ADAMTSL3: variants seen among roughly 807,000 people sequenced by gnomAD.
The protein encoded by ADAMTSL3 is ADAMTS like 3, also known as ADAMTS-like protein 3.
Under a neutral mutation model 201.7 loss-of-function variants are expected in ADAMTSL3, and 128 were observed. The ratio of observed to expected loss-of-function variants is 0.63; its 90% CI spans 0.55 to 0.73. The LOEUF is 0.73. Among genes scored for constraint, ADAMTSL3 ranks in the 30% least tolerant of loss-of-function variants. The probability of loss-of-function intolerance (pLI) is 0.00; values close to 1 mark genes in which losing one functional copy is unlikely to be tolerated. For synonymous variants in ADAMTSL3, 738 were observed against 748.4 expected (o/e 0.99, Z 0.23); for missense variants, 1,990 against 2,119.6 (o/e 0.94, Z 1.20).
At chr15:83,710,087 G>A (rs1224929668) in intron 3 of ADAMTSL3, among the ~76,000 whole-genome samples, 2 of 152,224 alleles carry the variant, frequency 1.3e-5, no homozygotes, top group African/African-American at 4.8e-5. Flanking sequence ...TGTAGGACAA[G>A]TAGTGGGTTT....
chr15:83,953,398 AAC>A (rs60146088), intron 19 of ADAMTSL3, among the ~76,000 whole-genome samples: 35,377 of 152,092 alleles, frequency 0.23, 4,762 homozygotes, highest in East Asian at 0.32. Flanking sequence ...TGTGTAAACA[AAC>A]ACACAAAAAG....
intron 4 of ADAMTSL3, among the ~76,000 whole-genome samples, chr15:83,774,007 A>G (rs990580043): frequency 2.0e-5 from 3 of 152,224 alleles, no homozygotes; most frequent in Non-Finnish European, 4.4e-5. Flanking sequence ...TTGTTCATCT[A>G]TTCTGAGCAA....
At chr15:83,719,962 G>A (rs1596084802) in intron 3 of ADAMTSL3, among the ~76,000 whole-genome samples, 1 of 152,160 alleles carries the variant, frequency 6.6e-6, no homozygotes, top group Non-Finnish European at 1.5e-5. Flanking sequence ...GCTCATACCT[G>A]TAATCCCAGT....
At chr15:84,024,043 C>T (rs2068254602) in intron 26 of ADAMTSL3, among the ~76,000 whole-genome samples, 1 of 152,146 alleles carries the variant, frequency 6.6e-6, no homozygotes, top group South Asian at 2.1e-4. Flanking sequence ...ATCACGAGGT[C>T]AGGAGATCAA....
chr15:83,996,595 C>T (rs1268811794), intron 23 of ADAMTSL3, among the ~76,000 whole-genome samples: 1 of 151,858 alleles, frequency 6.6e-6, no homozygotes, highest in Non-Finnish European at 1.5e-5. Context: ...TCCTGGCTAA[C>T]ATGGTGAAAC....
intron 15 of ADAMTSL3, among the ~76,000 whole-genome samples, chr15:83,912,228 C>A (rs2065947365): frequency 1.3e-5 from 2 of 152,070 alleles, no homozygotes; most frequent in African/African-American, 4.8e-5. Flanking sequence ...GTTTCTATTG[C>A]AAATATTCAG....
chr15:83,864,804 A>G (rs933626292), intron 8 of ADAMTSL3, among the ~76,000 whole-genome samples: 4 of 152,140 alleles, frequency 2.6e-5, no homozygotes, highest in South Asian at 2.1e-4. Flanking sequence ...TATTCAATTA[A>G]GAAAAGAGGA....
chr15:83,667,874 C>A (rs1399169905), intron 2 of ADAMTSL3, among the ~76,000 whole-genome samples: 1 of 152,082 alleles, frequency 6.6e-6, no homozygotes, highest in South Asian at 2.1e-4. Context: ...GAAGAGCAAC[C>A]CTTTCCATAA....
intron 7 of ADAMTSL3, among the ~76,000 whole-genome samples, chr15:83,858,395 T>A (rs1381435065): frequency 6.6e-6 from 1 of 152,240 alleles, no homozygotes; most frequent in African/African-American, 2.4e-5. Flanking sequence ...TTTCTTGAGA[T>A]AGAGTCTTAC....
rs56984191 is a variant in ADAMTSL3 at position 83,926,762 on chromosome 15, C to T, written c.2117+2729C>T. 9.9e-3 allele frequency among the ~76,000 whole-genome samples: 1,505 copies of T among 151,966 alleles called. 32 individuals carry two copies. Among genetic ancestry groups the T allele is most frequent in the African/African-American group, 0.035 (1,440 of 41,456 alleles). On this transcript the variant is annotated intron_variant, in intron 17 of 29. Coordinates refer to ENST00000286744, the MANE Select transcript of ADAMTSL3 (RefSeq NM_207517.3). ...TCCTGAGTAGCTGGGGTCACAGGTG[C>T]CTGCCACCATGCCCAGATAATTTTT...
intron 8 of ADAMTSL3, among the ~76,000 whole-genome samples, chr15:83,860,377 A>G (rs1596324161): frequency 6.6e-6 from 1 of 152,210 alleles, no homozygotes; most frequent in African/African-American, 2.4e-5. Context: ...CTTCCCATGT[A>G]GGGGTCCCTG....
chr15:83,856,949 C>T (rs572155648), intron 7 of ADAMTSL3, among the ~76,000 whole-genome samples: 4 of 152,200 alleles, frequency 2.6e-5, no homozygotes, highest in Non-Finnish European at 4.4e-5. Flanking sequence ...GGGTTCTTTT[C>T]GCCACATCCT....
chr15:83,850,149 C>A (rs747380061), intron 7 of ADAMTSL3, among the ~76,000 whole-genome samples: 1 of 152,098 alleles, frequency 6.6e-6, no homozygotes, highest in Non-Finnish European at 1.5e-5. Context: ...AGACCTCGCC[C>A]TGCAGCTGCA....
intron 6 of ADAMTSL3, among the ~76,000 whole-genome samples, chr15:83,829,531 T>G (rs1567174412): frequency 6.6e-6 from 1 of 152,218 alleles, no homozygotes. Context: ...TCTCCTTCAG[T>G]TCTGCTCTGA....
At chr15:83,968,346 C>T (rs1236838850) in intron 19 of ADAMTSL3, among the ~76,000 whole-genome samples, 1 of 151,984 alleles carries the variant, frequency 6.6e-6, no homozygotes, top group Non-Finnish European at 1.5e-5. Context: ...GAAAAAACCC[C>T]ATCAAAAAGT....
At chr15:83,660,596 A>G (rs1209800741) in intron 2 of ADAMTSL3, among the ~76,000 whole-genome samples, 3 of 152,168 alleles carry the variant, frequency 2.0e-5, no homozygotes, top group Non-Finnish European at 4.4e-5. Context: ...TCAGTAAGGT[A>G]TAAATATGGA....
rs1443719787 is a variant in ADAMTSL3, at chr15:83,956,549, A to G, written c.2490+13467A>G. On this transcript the variant is annotated intron_variant, in intron 19 of 29. Transcript: ENST00000286744. ...CTAAGCACTCTTCTACTGGAATAAT[A>G]GTGTCTTTTTAGACTGAATCTGACA... Among the ~76,000 whole-genome samples the G allele has an allele frequency of 2.6e-5, 4 of 152,274 alleles. No homozygotes were observed. In the East Asian group the frequency reaches 7.7e-4, roughly 29 times the overall value.
chr15:84,036,282 T>C (rs1303149319), intron 28 of ADAMTSL3, among the ~76,000 whole-genome samples: 1 of 152,232 alleles, frequency 6.6e-6, no homozygotes, highest in African/African-American at 2.4e-5. Context: ...AGTCTTGGTG[T>C]GACCTAAATG....
chr15:83,790,151 A>T (rs1479340534), intron 4 of ADAMTSL3, among the ~76,000 whole-genome samples: 1 of 150,846 alleles, frequency 6.6e-6, no homozygotes, highest in East Asian at 1.9e-4. Flanking sequence ...AATTCTACCA[A>T]GCATTTAAAG....
Sources: allele counts gnomAD v4.1 joint callset (sites outside exome capture counted in the v4.1 genomes callset), GRCh38; gene constraint gnomAD v4.1.1; transcripts MANE v1.5; gene names NCBI Gene and HGNC (gene_info 2026-07-23, HGNC 2026-07-21).